HERC6: variants seen among roughly 807,000 people sequenced by gnomAD.
HERC6 encodes HECT and RLD domain containing E3 ubiquitin protein ligase family member 6.
In HERC6, 101 loss-of-function variants were observed where a neutral mutation model predicts 114.5. The ratio of observed to expected loss-of-function variants is 0.88; its 90% CI spans 0.75 to 1.04. HERC6 has a LOEUF of 1.04. HERC6 is among the 50% of genes least tolerant of loss of function. The pLI, the probability that HERC6 is intolerant of heterozygous loss-of-function variation, is 0.00. For missense variants in HERC6, 1,133 were observed against 1,230.9 expected, an observed-to-expected ratio of 0.92 and a Z score of 1.19; for synonymous variants, 408 against 436.2, an observed-to-expected ratio of 0.94 and a Z score of 0.81.
chr4:88,409,045 C>T (rs1469937580), intron 11 of HERC6, among the ~76,000 whole-genome samples: 1 of 152,076 alleles, frequency 6.6e-6, no homozygotes, highest in East Asian at 1.9e-4. Flanking sequence ...ATCCAGTTGT[C>T]AGAAATGCAA....
chr4:88,413,105 T>C lies in HERC6; in HGVS notation c.1397T>C (p.Leu466Pro). Residue 466 changes from leucine to proline, a missense_variant, in exon 12 of 23, where the codon CTC becomes CCC. Around this residue, in one of 3 missense-constraint regions of HERC6, gnomAD observed 735 missense variants for 754.0 expected, o/e 0.97. Coordinates refer to ENST00000264346, the MANE Select transcript of HERC6 (RefSeq NM_017912.4). Reference sequence around the variant, plus strand: ...ACTACGTGTCTCGAGGATGATCTGCTCAGAGCTCTTCCATGCCATTCTCCA... The same window carrying C: ...ACTACGTGTCTCGAGGATGATCTGCCCAGAGCTCTTCCATGCCATTCTCCA... ...MITTCLEDDL[L>P]RALPCHSPHQ... 2 of 1,612,986 alleles carry C rather than the reference T, an allele frequency of 1.2e-6. No homozygotes were observed. The highest frequency in any genetic ancestry group is 1.7e-4 in the Middle Eastern group (1 of 6,052).
chr4:88,402,478 A>G (rs1735597610), intron 8 of HERC6, among the ~76,000 whole-genome samples: 1 of 152,202 alleles, frequency 6.6e-6, no homozygotes, highest in South Asian at 2.1e-4. Flanking sequence ...GACCCAAAAT[A>G]TCAGTAGTGT....
At chr4:88,436,237 T>C (rs1396092956) in intron 18 of HERC6, among the ~76,000 whole-genome samples, 1 of 152,208 alleles carries the variant, frequency 6.6e-6, no homozygotes, top group African/African-American at 2.4e-5. Flanking sequence ...TGTGTGCATG[T>C]AAGTCTAATA....
intron 3 of HERC6, among the ~76,000 whole-genome samples, chr4:88,386,877 G>A (rs572150646): frequency 6.6e-5 from 10 of 152,138 alleles, no homozygotes; most frequent in Non-Finnish European, 1.0e-4. Flanking sequence ...ATTCTCAATT[G>A]CCTTCAACTC....
intron 8 of HERC6, among the ~76,000 whole-genome samples, chr4:88,401,490 CAA>C (rs934279048): frequency 2.5e-4 from 14 of 56,708 alleles, no homozygotes; most frequent in Admixed American, 6.2e-4. Context: ...GACTCCATCT[CAA>C]AAAAAAAAAA....
chr4:88,408,486 T>C (rs1560546756), intron 10 of HERC6, 38 bp from the exon 11 acceptor site: 1 of 1,253,596 alleles, frequency 8.0e-7, no homozygotes. Context: ...TCCCTTTCCT[T>C]ATGTTTATGT....
rs1170792418 is a variant in HERC6 at position 88,380,372 on chromosome 4, A to AAT, written c.199+1264_199+1265dup. On this transcript the variant is annotated intron_variant, in intron 1 of 22. Transcript: ENST00000264346. ...AATATAAATATATATATAATATATA[A>AAT]ATATATATATATAATATATAAATAT... 5.8e-3 allele frequency among the ~76,000 whole-genome samples: 95 copies of AAT among 16,334 alleles called. 3 individuals are homozygous for AAT. The highest frequency in any genetic ancestry group is 7.9e-3 in the African/African-American group (13 of 1,652). The allele number at this position is 16,334 out of a possible 152,430, so 10.7% of individuals were successfully genotyped here. A position where few individuals can be genotyped will look rare whatever the true frequency, so the allele number is the denominator to read the frequency against.
Position 88,389,709 on chromosome 4 carries a change from A to G in HERC6, c.437-943A>G, listed in dbSNP as rs1231662706. Among the ~76,000 whole-genome samples the G allele has an allele frequency of 7.8e-5, 6 of 77,276 alleles. 1 individual carries two copies. Among genetic ancestry groups the G allele is most frequent in the Middle Eastern group, 0.012 (2 of 166 alleles). 50.7% of individuals were successfully genotyped at this position (77,276 alleles called of 152,430 possible). ...CCTTTAGTTGGGATACTTTAATCTC[A>G]TTTTTTTCTTCATCTCTGTTTTACC... is the stretch of plus-strand genomic sequence containing the variant. On this transcript the variant is annotated intron_variant, in intron 3 of 22. Transcript: ENST00000264346.
intron 20 of HERC6, 22 bp downstream of exon 20, chr4:88,437,803 ATC>A (rs1560577839): frequency 2.0e-6 from 3 of 1,485,574 alleles, no homozygotes; most frequent in Non-Finnish European, 2.8e-6. Flanking sequence ...CAGCTAGAAT[ATC>A]TGTTTTGAAT....
chr4:88,423,924 T>C lies in HERC6; in HGVS notation c.1778T>C (p.Leu593Ser). 1 of 1,572,486 alleles carries C rather than the reference T, an allele frequency of 6.4e-7. No homozygotes were observed. Among genetic ancestry groups the C allele is most frequent in the Non-Finnish European group, 8.6e-7 (1 of 1,160,688 alleles). The change falls in exon 14 of 23, where the codon TTA becomes TCA. Residue 593 changes from leucine (L) to serine (S), a missense_variant. Physicochemically the swap from Leu to Ser is moderately radical, Grantham distance 145 (BLOSUM62 -2). This residue lies in a region of HERC6 where 735 missense variants were observed against 754.0 expected (regional missense o/e 0.97). Transcript: ENST00000264346. ...AACATAAATGAACTCTCCAACTTAT[T>C]AAACTTTTATATAGATAGAGGAAGA... ...TFNINELSNL[L>S]NFYIDRGRQL...
intron 11 of HERC6, among the ~76,000 whole-genome samples, chr4:88,411,010 G>T (rs1457917357): frequency 6.6e-6 from 1 of 152,158 alleles, no homozygotes; most frequent in Non-Finnish European, 1.5e-5. Flanking sequence ...GCTCCAAAAA[G>T]GCATCTCAAA....
chr4:88,432,289 G>A (rs1738298228), intron 17 of HERC6, among the ~76,000 whole-genome samples: 1 of 151,770 alleles, frequency 6.6e-6, no homozygotes, highest in African/African-American at 2.4e-5. Flanking sequence ...CTGTGTTTAT[G>A]CAAATGTTCC....
At chr4:88,395,846 G>A (rs1377554655) in intron 5 of HERC6, among the ~76,000 whole-genome samples, 169 bp from the exon 6 acceptor site, 1 of 152,084 alleles carries the variant, frequency 6.6e-6, no homozygotes, top group Non-Finnish European at 1.5e-5. Flanking sequence ...CATGTTTAAT[G>A]TGTTAACTCA....
At chr4:88,396,225 G>T in intron 6 of HERC6, 83 bp downstream of exon 6, 1 of 1,169,556 alleles carries the variant, frequency 8.6e-7, no homozygotes. Flanking sequence ...CATATGGAAT[G>T]TTATCAAACC....
chr4:88,383,620 G>A (rs4498108), intron 2 of HERC6, among the ~76,000 whole-genome samples: 38,320 of 151,516 alleles, frequency 0.25, 4,930 homozygotes, highest in African/African-American at 0.3. Flanking sequence ...AAAATTAGCC[G>A]GGCATGGTGT....
intron 12 of HERC6, among the ~76,000 whole-genome samples, chr4:88,414,635 A>G (rs888052281): frequency 6.6e-6 from 1 of 152,162 alleles, no homozygotes; most frequent in Non-Finnish European, 1.5e-5. Context: ...TGGGTTATTC[A>G]TACCTCCCCT....
chr4:88,379,493 C>A (rs954030068), intron 1 of HERC6, among the ~76,000 whole-genome samples: 2 of 151,230 alleles, frequency 1.3e-5, no homozygotes, highest in Admixed American at 6.6e-5. Context: ...GAGATGTGGT[C>A]CCTCCGGCTT....
chr4:88,392,419 C>T (rs11942136), intron 4 of HERC6, among the ~76,000 whole-genome samples: 4,093 of 151,732 alleles, frequency 0.027, 175 homozygotes, highest in African/African-American at 0.093. Context: ...TGAACTCCTG[C>T]GCTCAAGTGA....
At chr4:88,401,116 G>A (rs1454019135) in intron 8 of HERC6, among the ~76,000 whole-genome samples, 1 of 152,166 alleles carries the variant, frequency 6.6e-6, no homozygotes, top group African/African-American at 2.4e-5. Flanking sequence ...AGGGGAACAA[G>A]TGCAAACAAT....
Sources: gnomAD v4.1 joint callset for allele counts (sites outside exome capture counted in the v4.1 genomes callset) on GRCh38, gnomAD v4.1.1 for gene constraint, gnomAD v4.1.1 regional missense constraint, MANE v1.5 for transcripts, NCBI Gene and HGNC (gene_info 2026-07-23, HGNC 2026-07-21) for gene names.